The following UTS2 variants were observed in gnomAD, a reference collection of about 807,000 sequenced individuals.
The protein encoded by UTS2 is urotensin-2.
Under a neutral mutation model 12.6 loss-of-function variants are expected in UTS2, and 10 were observed. The ratio of observed to expected loss-of-function variants is 0.80; its 90% CI spans 0.49 to 1.35. The LOEUF (loss-of-function observed/expected upper bound fraction) is 1.35, where lower values mean the gene tolerates loss of function less well. Among genes scored for constraint, UTS2 ranks in the 40% most tolerant of loss-of-function variants. The probability of loss-of-function intolerance (pLI) is 0.00; values close to 1 mark genes in which losing one functional copy is unlikely to be tolerated. For synonymous variants in UTS2, 52 were observed against 50.0 expected (o/e 1.04, Z -0.17); for missense variants, 142 against 143.2 (o/e 0.99, Z 0.04).
At chr1:7,863,507 A>C in the UTS2 span, among the ~76,000 whole-genome samples, 1 of 151,994 alleles carries the variant, frequency 6.6e-6, no homozygotes, top group Non-Finnish European at 1.5e-5. Context: ...ACCACGTTTT[A>C]CTTTTTACTA....
chr1:7,902,381 C>T, the UTS2 span, among the ~76,000 whole-genome samples: 10 of 152,282 alleles, frequency 6.6e-5, no homozygotes, highest in African/African-American at 2.4e-4. Flanking sequence ...GAAGTTCTGA[C>T]AATGTAGTCA....
chr1:7,863,963 C>T, the UTS2 span, among the ~76,000 whole-genome samples: 30,015 of 152,084 alleles, frequency 0.2, 3,156 homozygotes, highest in Non-Finnish European at 0.21. Context: ...CCTCATCCCC[C>T]GGGGGGGTCT....
chr1:7,872,618 C>A, the UTS2 span, among the ~76,000 whole-genome samples: 19 of 152,238 alleles, frequency 1.2e-4, no homozygotes, highest in African/African-American at 3.6e-4. Flanking sequence ...TTCAACTCTG[C>A]GAAGGCTGAG....
At chr1:7,893,585 C>G in the UTS2 span, among the ~76,000 whole-genome samples, 4 of 152,134 alleles carry the variant, frequency 2.6e-5, no homozygotes, top group Non-Finnish European at 4.4e-5. Flanking sequence ...GGTGATGACA[C>G]GTCACAGACC....
chr1:7,851,552 G>A (rs372734139), intron 1 of UTS2, among the ~76,000 whole-genome samples: 9 of 152,160 alleles, frequency 5.9e-5, no homozygotes, highest in African/African-American at 7.2e-5. Context: ...AGTGTGAGGC[G>A]TGGTAAGTGC....
the UTS2 span, among the ~76,000 whole-genome samples, chr1:7,893,805 T>C: frequency 1.3e-5 from 2 of 152,240 alleles, no homozygotes; most frequent in African/African-American, 4.8e-5. Flanking sequence ...CACTTTTTAA[T>C]ATTCACTTAC....
At chr1:7,870,254 G>A in the UTS2 span, among the ~76,000 whole-genome samples, 1 of 152,148 alleles carries the variant, frequency 6.6e-6, no homozygotes, top group Non-Finnish European at 1.5e-5. Flanking sequence ...TCCTTATAGA[G>A]AGAAGATGAG....
At chr1:7,880,578 T>C in the UTS2 span, among the ~76,000 whole-genome samples, 7 of 152,108 alleles carry the variant, frequency 4.6e-5, no homozygotes, top group African/African-American at 1.7e-4. Context: ...AATGGATAAA[T>C]TATTGGACAC....
the UTS2 span, among the ~76,000 whole-genome samples, chr1:7,894,530 C>T: frequency 6.6e-6 from 1 of 152,148 alleles, no homozygotes; most frequent in Non-Finnish European, 1.5e-5. Flanking sequence ...CCCTGCCCCT[C>T]TGGCCAGTGC....
chr1:7,872,321 G>T, the UTS2 span, among the ~76,000 whole-genome samples: 1 of 86,078 alleles, frequency 1.2e-5, no homozygotes, highest in Non-Finnish European at 2.3e-5. Context: ...AAAAAAAAAG[G>T]AAAAGAAAAA....
chr1:7,866,931 GCCA>G, the UTS2 span, among the ~76,000 whole-genome samples: 72,986 of 151,826 alleles, frequency 0.48, 19,368 homozygotes, highest in East Asian at 0.71. This position sits in a 1 kb window ranked among gnomAD's most constrained non-coding sequence, Gnocchi z 4.5. Context: ...GAACAGTGGC[GCCA>G]CCTTGGCTCA....
chr1:7,852,935 G>A lies in UTS2; in HGVS notation c.69C>T (p.Leu23=). 1 of 1,612,852 alleles carries A rather than the reference G, an allele frequency of 6.2e-7. No homozygotes were observed. Among genetic ancestry groups the A allele is most frequent in the Non-Finnish European group, 8.5e-7 (1 of 1,179,512 alleles). ...GAAAGGATATTTCCCTGGAGTCAAG[G>A]AGAGGAAGAGATAAGAGAGGATTTA... ...GFLNPLLSLP[L]LDSREISFQL... is the part of the protein sequence containing the mutation. Residue 23 remains leucine, a synonymous_variant, in exon 1 of 4, where the codon CTC becomes CTT. Transcript: ENST00000361696.
chr1:7,849,593 C>G, intron 3 of UTS2, 47 bp downstream of exon 3: 1 of 1,510,274 alleles, frequency 6.6e-7, no homozygotes, highest in Non-Finnish European at 9.1e-7. Flanking sequence ...AAAACCAGTA[C>G]AGAATGTTCA....
At chr1:7,863,013 G>GTAT in the UTS2 span, among the ~76,000 whole-genome samples, 4 of 21,550 alleles carry the variant, frequency 1.9e-4, no homozygotes, top group Non-Finnish European at 3.4e-4. Flanking sequence ...GTATTGTATT[G>GTAT]TATTGTATTG....
the UTS2 span, among the ~76,000 whole-genome samples, chr1:7,884,426 T>C: frequency 6.6e-6 from 1 of 151,844 alleles, no homozygotes; most frequent in African/African-American, 2.4e-5. Flanking sequence ...CTCAGCCTCC[T>C]GAGTAGCTGG....
chr1:7,909,831 A>T, the UTS2 span, among the ~76,000 whole-genome samples: 1 of 152,040 alleles, frequency 6.6e-6, no homozygotes, highest in Non-Finnish European at 1.5e-5. Flanking sequence ...CATGTTGGCC[A>T]GGCTGGTCTC....
the UTS2 span, among the ~76,000 whole-genome samples, chr1:7,908,426 G>A: frequency 7.1e-5 from 10 of 140,410 alleles, no homozygotes; most frequent in African/African-American, 2.6e-4. Context: ...AGATTGCATC[G>A]CTCCGGCCTG....
At chr1:7,856,955 G>A (rs987118840), upstream of UTS2, among the ~76,000 whole-genome samples, 1 of 152,018 alleles carries the variant, frequency 6.6e-6, no homozygotes, top group East Asian at 1.9e-4. Context: ...CAGCTACTTG[G>A]GAGGCTAAGG....
the UTS2 span, among the ~76,000 whole-genome samples, chr1:7,899,655 G>C: frequency 1.3e-5 from 2 of 152,242 alleles, no homozygotes; most frequent in Admixed American, 1.3e-4. Flanking sequence ...CTACAGGCAC[G>C]AACCACTGCA....
Sources: gnomAD v4.1 joint callset for allele counts (sites outside exome capture counted in the v4.1 genomes callset) on GRCh38, gnomAD v4.1.1 for gene constraint, Gnocchi (gnomAD v3.1) non-coding constraint, MANE v1.5 for transcripts, NCBI Gene and HGNC (gene_info 2026-07-23, HGNC 2026-07-21) for gene names.